VSIG1: variants seen among roughly 807,000 people sequenced by gnomAD.
VSIG1 encodes the protein V-set and immunoglobulin domain containing 1.
Under a neutral mutation model 20.1 loss-of-function variants are expected in VSIG1, and 11 were observed. That is an observed-to-expected ratio of 0.55 (90% confidence interval 0.34 to 0.91). The LOEUF (loss-of-function observed/expected upper bound fraction) is 0.91, where lower values mean the gene tolerates loss of function less well. VSIG1 is among the 40% of genes least tolerant of loss of function. The pLI is 0.02. For missense variants in VSIG1, 283 were observed against 298.8 expected, an observed-to-expected ratio of 0.95 and a Z score of 0.39; for synonymous variants, 126 against 116.7, an observed-to-expected ratio of 1.08 and a Z score of -0.52.
chrX:108,018,967 T>C, the VSIG1 span, among the ~76,000 whole-genome samples: 1 of 111,542 alleles, frequency 9.0e-6, no homozygotes, highest in South Asian at 3.8e-4. Context: ...GCACCACTGT[T>C]AGTGTGTCCA....
upstream of VSIG1, among the ~76,000 whole-genome samples, chrX:108,040,184 A>G (rs2147911197): frequency 8.9e-6 from 1 of 111,808 alleles, no homozygotes; most frequent in Admixed American, 9.5e-5. Flanking sequence ...CAGAAGACAG[A>G]TAACCCAGTG....
In VSIG1 at chrX:108,047,887, CACACATAT is replaced by C. The variant is rs1260458527; in HGVS notation, c.49+2710_49+2717del. 5.7e-4 allele frequency among the ~76,000 whole-genome samples: 14 copies of C among 24,475 alleles called. 3 individuals are homozygous for C. The highest frequency in any genetic ancestry group is 3.6e-3 in the African/African-American group (14 of 3,838). The allele number at this position is 24,475 out of a possible 115,157, so 21.3% of individuals were successfully genotyped here. ...ATATATATACACATATATATATATA[CACACATAT>C]ATATATATACACATATATATATACA... On this transcript the variant is annotated intron_variant, in intron 1 of 6. Coordinates refer to ENST00000217957, the MANE Select transcript of VSIG1 (RefSeq NM_182607.5).
chrX:108,040,734 C>T (rs1048379548), upstream of VSIG1, among the ~76,000 whole-genome samples: 2 of 111,737 alleles, frequency 1.8e-5, no homozygotes, highest in East Asian at 2.8e-4. Context: ...TTAACATGGA[C>T]AAGGTTGATC....
the VSIG1 span, among the ~76,000 whole-genome samples, chrX:108,030,314 A>G: frequency 8.9e-6 from 1 of 112,364 alleles, no homozygotes; most frequent in Admixed American, 9.4e-5. Flanking sequence ...CTTTAATCAG[A>G]AAACAAGTTA....
chrX:108,075,496 G>C (rs1231664895), intron 5 of VSIG1, among the ~76,000 whole-genome samples: 1 of 111,716 alleles, frequency 9.0e-6, no homozygotes, highest in Non-Finnish European at 1.9e-5. Context: ...GGCAGATGGG[G>C]TTGGGTTGGC....
At chrX:108,033,441 C>T in the VSIG1 span, among the ~76,000 whole-genome samples, 1 of 112,075 alleles carries the variant, frequency 8.9e-6, no homozygotes, top group Admixed American at 9.4e-5. Context: ...CATGCTGCTG[C>T]ACCCAGGTGT....
chrX:108,060,870 A>C, intron 2 of VSIG1, among the ~76,000 whole-genome samples: 1 of 112,212 alleles, frequency 8.9e-6, no homozygotes, highest in Admixed American at 9.4e-5. Context: ...CACTTACAAA[A>C]TGGCGATTTT....
At chrX:108,050,050 T>G (rs2030750471) in intron 1 of VSIG1, among the ~76,000 whole-genome samples, 1 of 112,460 alleles carries the variant, frequency 8.9e-6, no homozygotes, top group South Asian at 3.7e-4. Context: ...ATCAGTGCAT[T>G]GGTTGCCATG....
the VSIG1 span, among the ~76,000 whole-genome samples, chrX:108,026,183 A>G: frequency 6.3e-4 from 71 of 111,893 alleles, 1 homozygote; most frequent in African/African-American, 2.1e-3. Context: ...CTCCATAGGA[A>G]CCCATCTGAT....
chrX:108,047,919 CACAT>C (rs2030658257), intron 1 of VSIG1, among the ~76,000 whole-genome samples: 1 of 34,302 alleles, frequency 2.9e-5, no homozygotes, highest in African/African-American at 1.5e-4. Context: ...TATATATATA[CACAT>C]ATATATATAT....
the VSIG1 span, among the ~76,000 whole-genome samples, chrX:108,030,161 A>G: frequency 1.3e-4 from 15 of 111,784 alleles, no homozygotes; most frequent in African/African-American, 4.9e-4. Context: ...AGGTCATACC[A>G]CTTAGCTCAT....
Position 108,067,073 on chromosome X carries a change from TG to T in VSIG1, c.352del (p.Val118LeufsTer20). 8.3e-7 allele frequency: 1 copy of T among 1,211,672 alleles called. No homozygotes were observed. Among genetic ancestry groups the T allele is most frequent in the Non-Finnish European group, 1.1e-6 (1 of 895,434 alleles). On this transcript the variant is annotated frameshift_variant, in exon 3 of 7. Transcript: ENST00000217957. LOFTEE classifies it high-confidence loss of function. ...PADSGIYICD[V>X]NNPPDFLGQN... ...CAGACAGTGGAATTTACATCTGCGA[TG>T]TTAACAACCCCCCAGACTTTCTCGG...
intron 2 of VSIG1, among the ~76,000 whole-genome samples, chrX:108,058,826 A>T (rs2030963543): frequency 1.8e-5 from 2 of 111,776 alleles, no homozygotes; most frequent in Non-Finnish European, 3.8e-5. Context: ...AGGGAGGAGA[A>T]TGATTTCACA....
chrX:108,057,955 T>A (rs2030937826), intron 1 of VSIG1, 83 bp from the exon 2 acceptor site: 2 of 939,197 alleles, frequency 2.1e-6, no homozygotes, highest in Non-Finnish European at 2.9e-6. Context: ...TCAAATAGGA[T>A]GTCTTTGTAA....
upstream of VSIG1, among the ~76,000 whole-genome samples, chrX:108,040,548 A>G (rs912105337): frequency 9.0e-6 from 1 of 111,717 alleles, no homozygotes; most frequent in African/African-American, 3.3e-5. Context: ...AAGCAATTCC[A>G]TTTCTAGGGA....
upstream of VSIG1, among the ~76,000 whole-genome samples, chrX:108,040,573 AT>A (rs1415748985): frequency 1.8e-5 from 2 of 111,671 alleles, no homozygotes; most frequent in Non-Finnish European, 3.8e-5. Flanking sequence ...ATCTACAATA[AT>A]AATCACACAA....
the VSIG1 span, among the ~76,000 whole-genome samples, chrX:108,032,243 A>G: frequency 8.9e-6 from 1 of 112,495 alleles, no homozygotes; most frequent in East Asian, 2.8e-4. Context: ...GACATAAGAG[A>G]ATGCAAGAAG....
rs1352761277 is a variant in VSIG1 at position 108,079,120 on chromosome X, T to C, written c.*1739T>C. ...TCATTTTAGTGACTCCTAAGGCTAGTCCTTTTATAAACAACTTTTTCTGAC... is the reference window on the plus strand; with the variant it reads ...TCATTTTAGTGACTCCTAAGGCTAGCCCTTTTATAAACAACTTTTTCTGAC... On this transcript the variant is annotated 3_prime_UTR_variant, in exon 7 of 7. Transcript: ENST00000217957. The C allele has an allele frequency of 8.9e-6, 1 of 112,345 alleles. No individual in the cohort carries two copies. Among genetic ancestry groups the C allele is most frequent in the Non-Finnish European group, 1.9e-5 (1 of 53,259 alleles). The allele number at this position is 112,345 out of a possible 1,213,427, so 9.3% of individuals were successfully genotyped here.
At chrX:108,022,807 T>C in the VSIG1 span, among the ~76,000 whole-genome samples, 1 of 111,955 alleles carries the variant, frequency 8.9e-6, no homozygotes, top group Non-Finnish European at 1.9e-5. Flanking sequence ...CACTCATGAA[T>C]GGCTTGGAGC....
Sources: allele counts gnomAD v4.1 joint callset (sites outside exome capture counted in the v4.1 genomes callset), GRCh38; gene constraint gnomAD v4.1.1; transcripts MANE v1.5; gene names NCBI Gene and HGNC (gene_info 2026-07-23, HGNC 2026-07-21).